CDH4: variants seen among roughly 807,000 people sequenced by gnomAD.
CDH4 encodes the protein cadherin-4.
CDH4 carries 33 observed loss-of-function variants against 86.0 expected under a neutral mutation model. That is an observed-to-expected ratio of 0.38 (90% CI 0.29 to 0.51). The LOEUF (loss-of-function observed/expected upper bound fraction) is 0.51, where lower values mean the gene tolerates loss of function less well. CDH4 is among the 20% of genes least tolerant of loss of function. The pLI is 0.86. For missense variants in CDH4, 1,114 were observed against 1,307.4 expected, an observed-to-expected ratio of 0.85 and a Z score of 2.28; for synonymous variants, 555 against 549.4, an observed-to-expected ratio of 1.01 and a Z score of -0.14.
intron 2 of CDH4, among the ~76,000 whole-genome samples, chr20:61,494,562 G>A (rs1052598094): frequency 6.6e-6 from 1 of 152,114 alleles, no homozygotes; most frequent in Non-Finnish European, 1.5e-5. Context: ...TTAGCACCAG[G>A]CTTTTTAATA....
chr20:61,730,967 C>T (rs527400925), intron 2 of CDH4, among the ~76,000 whole-genome samples: 8 of 149,530 alleles, frequency 5.4e-5, no homozygotes, highest in Non-Finnish European at 9.0e-5. Context: ...GAAGGTAGCA[C>T]CCCTTCCTGT....
intron 2 of CDH4, among the ~76,000 whole-genome samples, chr20:61,528,227 A>G (rs1034318425): frequency 1.2e-4 from 18 of 151,268 alleles, no homozygotes; most frequent in African/African-American, 4.1e-4. Flanking sequence ...AATACAAAAA[A>G]TTAGCTGGGA....
At chr20:61,326,944 A>C (rs988294891) in intron 2 of CDH4, among the ~76,000 whole-genome samples, 1 of 152,194 alleles carries the variant, frequency 6.6e-6, no homozygotes, top group Non-Finnish European at 1.5e-5. Context: ...GCCTTCCTAT[A>C]TGTCATCTAC....
intron 2 of CDH4, among the ~76,000 whole-genome samples, chr20:61,359,089 C>T (rs36025702): frequency 0.23 from 34,628 of 151,914 alleles, 4,469 homozygotes; most frequent in South Asian, 0.35. Flanking sequence ...GACACATGCC[C>T]GCATTTCACT....
chr20:61,917,490 C>T (rs751695628), intron 9 of CDH4, among the ~76,000 whole-genome samples: 3 of 152,250 alleles, frequency 2.0e-5, no homozygotes, highest in East Asian at 3.8e-4. Flanking sequence ...GTGGGAGGCT[C>T]GCAGGTGGGA....
chr20:61,331,574 A>AAG (rs2084573086), intron 2 of CDH4, among the ~76,000 whole-genome samples: 2 of 4,242 alleles, frequency 4.7e-4, no homozygotes, highest in South Asian at 7.2e-3. Flanking sequence ...CTCCTGCCTG[A>AAG]CCACCTGCCC....
At chr20:61,505,731 A>T (rs2085735755) in intron 2 of CDH4, among the ~76,000 whole-genome samples, 1 of 147,484 alleles carries the variant, frequency 6.8e-6, no homozygotes, top group African/African-American at 2.4e-5. Flanking sequence ...TTGGCGGGAA[A>T]AAAGAATTGG....
chr20:61,655,924 G>A lies in CDH4; in HGVS notation c.170-87639G>A, dbSNP rs556931061. Among the ~76,000 whole-genome samples, 36 of 152,330 alleles carry A rather than the reference G, an allele frequency of 2.4e-4. No individual in the cohort carries two copies. The East Asian group carries it at 5.4e-3, about 23-fold the overall frequency. On this transcript the variant is annotated intron_variant, in intron 2 of 15. Transcript: ENST00000614565. The stretch of plus-strand genomic sequence containing the variant: ...AAGGCTGCATGTGCCTGGAGAGGAC[G>A]TGGTTCTGAACATCACCTTGTTGTA...
At chr20:61,779,361 A>G (rs1202031694) in intron 4 of CDH4, among the ~76,000 whole-genome samples, 1 of 152,176 alleles carries the variant, frequency 6.6e-6, no homozygotes, top group Admixed American at 6.5e-5. Flanking sequence ...AGGACAAGCT[A>G]GGAAAAGAGC....
intron 2 of CDH4, among the ~76,000 whole-genome samples, chr20:61,319,818 G>C (rs2084498345): frequency 6.6e-6 from 1 of 151,846 alleles, no homozygotes; most frequent in Admixed American, 6.6e-5. Context: ...ACCAGGCGTG[G>C]TGTCAGGCAC....
intron 7 of CDH4, among the ~76,000 whole-genome samples, chr20:61,882,182 G>A (rs1317686453): frequency 1.3e-5 from 2 of 152,236 alleles, no homozygotes; most frequent in East Asian, 1.9e-4. Context: ...CCCTTTTGCC[G>A]AGAAGCCTGT....
chr20:61,612,152 G>A (rs2427186), intron 2 of CDH4, among the ~76,000 whole-genome samples: 138,690 of 152,172 alleles, frequency 0.91, 63,674 homozygotes, highest in East Asian at 1. Context: ...TAATATACTC[G>A]TATAATTTGT....
At chr20:61,727,262 C>A (rs1190086207) in intron 2 of CDH4, among the ~76,000 whole-genome samples, 5 of 151,842 alleles carry the variant, frequency 3.3e-5, no homozygotes, top group African/African-American at 9.7e-5. Flanking sequence ...ATCATCATCA[C>A]CATCAGAGTC....
In CDH4 at chr20:61,393,212, G is replaced by A. The variant is rs375699095; in HGVS notation, c.169+138275G>A. 9.9e-5 allele frequency among the ~76,000 whole-genome samples: 15 copies of A among 152,046 alleles called. No homozygotes were observed. The highest frequency in any genetic ancestry group is 2.9e-4 in the African/African-American group (12 of 41,390). On this transcript the variant is annotated intron_variant, in intron 2 of 15. Transcript: ENST00000614565. The surrounding 1 kb of genome is among the most constrained non-coding windows in gnomAD (Gnocchi z 4.3). ...ACAACACTGTTTAATCGGTCCTCGC[G>A]GGAGCTTCCCTGGGGGTGCAGGACC...
At chr20:61,649,943 A>G (rs1164169165) in intron 2 of CDH4, among the ~76,000 whole-genome samples, 1 of 152,132 alleles carries the variant, frequency 6.6e-6, no homozygotes, top group Non-Finnish European at 1.5e-5. Context: ...GGGATCTGAG[A>G]GTGTGAAACT....
intron 2 of CDH4, among the ~76,000 whole-genome samples, chr20:61,438,758 C>T (rs892257550): frequency 3.6e-4 from 54 of 152,028 alleles, no homozygotes; most frequent in African/African-American, 1.3e-3. Flanking sequence ...TGCTAAAGTC[C>T]ACTAACTACC....
At chr20:61,914,657 T>G (rs1412154057) in intron 9 of CDH4, among the ~76,000 whole-genome samples, 4 of 152,016 alleles carry the variant, frequency 2.6e-5, no homozygotes, top group Admixed American at 6.5e-5. Flanking sequence ...AGCCCCTGCC[T>G]GGTACCCCGC....
intron 2 of CDH4, among the ~76,000 whole-genome samples, chr20:61,457,602 A>G (rs1422211607): frequency 6.6e-6 from 1 of 152,114 alleles, no homozygotes; most frequent in Non-Finnish European, 1.5e-5. Flanking sequence ...GGTCATGATC[A>G]TGATGGTGCT....
chr20:61,550,746 G>A (rs1442863806), intron 2 of CDH4, among the ~76,000 whole-genome samples: 1 of 152,226 alleles, frequency 6.6e-6, no homozygotes, highest in Non-Finnish European at 1.5e-5. Flanking sequence ...ACATGGTGGT[G>A]TCTGTGCTCT....
Sources: gnomAD v4.1 joint callset for allele counts (sites outside exome capture counted in the v4.1 genomes callset) on GRCh38, gnomAD v4.1.1 for gene constraint, Gnocchi (gnomAD v3.1) non-coding constraint, MANE v1.5 for transcripts, NCBI Gene and HGNC (gene_info 2026-07-23, HGNC 2026-07-21) for gene names.